The following GREM1 variants were observed in gnomAD, a reference collection of about 807,000 sequenced individuals.
GREM1 encodes the protein gremlin 1, DAN family BMP antagonist.
A neutral mutation model predicts 13.1 loss-of-function variants in GREM1; 6 were observed. That is an observed-to-expected ratio of 0.46 (90% CI 0.25 to 0.91). The LOEUF (loss-of-function observed/expected upper bound fraction) is 0.91, where lower values mean the gene tolerates loss of function less well. Ranked by LOEUF, GREM1 falls within the 40% of genes least tolerant of loss-of-function variation. GREM1 has a pLI of 0.18. For synonymous variants in GREM1, 98 were observed against 93.7 expected, an observed-to-expected ratio of 1.05 and a Z score of -0.27; for missense variants, 185 against 233.9, an observed-to-expected ratio of 0.79 and a Z score of 1.36.
In GREM1 at chr15:32,742,120, T is replaced by C. The variant is rs2055767024; in HGVS notation, c.*10875T>C. 1 of 152,194 alleles carries C rather than the reference T, an allele frequency of 6.6e-6. No individual in the cohort carries two copies. The highest frequency in any genetic ancestry group is 1.5e-5 in the Non-Finnish European group (1 of 68,006). The allele number at this position is 152,194 out of a possible 1,614,324, so 9.4% of individuals were successfully genotyped here. On this transcript the variant is annotated 3_prime_UTR_variant, in exon 2 of 2. Coordinates refer to ENST00000651154, the MANE Select transcript of GREM1 (RefSeq NM_013372.7). ...TGCATCTATATATTCATCAAGGATA[T>C]TGGGCTGTAATTTTCTTTTCTTGTG...
intron 1 of GREM1, among the ~76,000 whole-genome samples, chr15:32,723,700 G>A (rs566436615): frequency 1.3e-5 from 2 of 150,248 alleles, no homozygotes; most frequent in South Asian, 4.2e-4. Flanking sequence ...CATAGAAACA[G>A]AAAGTCTGTC....
intron 1 of GREM1, among the ~76,000 whole-genome samples, chr15:32,721,725 G>A (rs558919348): frequency 2.6e-5 from 4 of 152,184 alleles, no homozygotes; most frequent in African/African-American, 7.2e-5. Context: ...GTGCACTCCA[G>A]CCTGGGTGAC....
Position 32,740,894 on chromosome 15 carries a change from T to C in GREM1, c.*9649T>C, listed in dbSNP as rs912060166. ...GTTTCAAGTTCATTTCTAAAATCAA[T>C]CATGGTGGCCAAACGGAATGAGCAT... On this transcript the variant is annotated 3_prime_UTR_variant, in exon 2 of 2. Transcript: ENST00000651154. The C allele has an allele frequency of 1.3e-5, 2 of 152,154 alleles. No homozygotes were observed. Among genetic ancestry groups the C allele is most frequent in the Admixed American group, 1.3e-4 (2 of 15,266 alleles). 9.4% of individuals were successfully genotyped at this position (152,154 alleles called of 1,614,324 possible). A position where few individuals can be genotyped will look rare whatever the true frequency, so the allele number is the denominator to read the frequency against.
rs182022912 is a variant in GREM1 at position 32,740,863 on chromosome 15, G to C, written c.*9618G>C. 1.2e-4 allele frequency: 18 copies of C among 152,268 alleles called. No homozygotes were observed. In the East Asian group the frequency reaches 3.1e-3, roughly 26 times the overall value. The allele number at this position is 152,268 out of a possible 1,614,324, so 9.4% of individuals were successfully genotyped here. ...CTTAAGGAAAATTCTTATGGACTTA[G>C]CTTGAGTTTCAAGTTCATTTCTAAA... On this transcript the variant is annotated 3_prime_UTR_variant, in exon 2 of 2. Coordinates refer to ENST00000651154, the MANE Select transcript of GREM1 (RefSeq NM_013372.7).
chr15:32,724,643 T>C (rs1386687748), intron 1 of GREM1, among the ~76,000 whole-genome samples: 1 of 152,140 alleles, frequency 6.6e-6, no homozygotes, highest in African/African-American at 2.4e-5. Context: ...TTTTTTTCTT[T>C]TTCTTTTTAT....
chr15:32,724,613 C>T (rs1212557725), intron 1 of GREM1, among the ~76,000 whole-genome samples: 1 of 151,546 alleles, frequency 6.6e-6, no homozygotes, highest in Admixed American at 6.6e-5. Context: ...TATAACTGGG[C>T]GTTTCTCATA....
intron 1 of GREM1, among the ~76,000 whole-genome samples, chr15:32,721,992 A>G (rs985718380): frequency 1.3e-5 from 2 of 152,162 alleles, no homozygotes; most frequent in Admixed American, 1.3e-4. Context: ...GTCCTATGCA[A>G]TGTTGGGCCC....
rs927333922 is a variant in GREM1 at position 32,735,540 on chromosome 15, G to A, written c.*4295G>A. 4 of 152,122 alleles carry A rather than the reference G, an allele frequency of 2.6e-5. No homozygotes were observed. Among genetic ancestry groups the A allele is most frequent in the East Asian group, 3.9e-4 (2 of 5,184 alleles). The allele number at this position is 152,122 out of a possible 1,614,324, so 9.4% of individuals were successfully genotyped here. On this transcript the variant is annotated 3_prime_UTR_variant, in exon 2 of 2. Transcript: ENST00000651154. ...TCTAACTAGATTGTTCACATCTAGC[G>A]ATTAAGGCCACCCTGAGATTATAGC...
rs75058002 is a variant in GREM1, at chr15:32,732,444, T to G, written c.*1199T>G. ...CTACTCTGTTTTAGCAAGAGATATT[T>G]TGGGGGTCTTTTTGTTTTAACTATT... On this transcript the variant is annotated 3_prime_UTR_variant, in exon 2 of 2. Transcript: ENST00000651154. The G allele has an allele frequency of 0.042, 10,379 of 244,976 alleles. 609 individuals are homozygous for G. The highest frequency in any genetic ancestry group is 0.16 in the African/African-American group (7,054 of 45,204). 15.2% of individuals were successfully genotyped at this position (244,976 alleles called of 1,614,324 possible). A position where few individuals can be genotyped will look rare whatever the true frequency, so the allele number is the denominator to read the frequency against.
At chr15:32,718,834 A>C in intron 1 of GREM1, 1 of 275,598 alleles carries the variant, frequency 3.6e-6, no homozygotes, top group Non-Finnish European at 7.2e-6. Flanking sequence ...CAGTGCTCAC[A>C]AGGCAGACAC....
At chr15:32,721,737 T>G (rs577443877) in intron 1 of GREM1, among the ~76,000 whole-genome samples, 1 of 151,552 alleles carries the variant, frequency 6.6e-6, no homozygotes, top group South Asian at 2.1e-4. Flanking sequence ...CTGGGTGACA[T>G]CTCTTAAAAA....
In GREM1 at chr15:32,738,145, AGTCATC is replaced by A. The variant is rs2055729104; in HGVS notation, c.*6901_*6906del. On this transcript the variant is annotated 3_prime_UTR_variant, in exon 2 of 2. Transcript: ENST00000651154. ...AAAAAAAAAAAAAAGAAAAGAAAAAAGTCATCCAGATTGGAAAAGAAATAAAATGAT... is the reference window on the plus strand; with the variant it reads ...AAAAAAAAAAAAAAGAAAAGAAAAAACAGATTGGAAAAGAAATAAAATGAT... 7.8e-6 allele frequency: 1 copy of A among 128,322 alleles called. No individual in the cohort carries two copies. Among genetic ancestry groups the A allele is most frequent in the Non-Finnish European group, 1.7e-5 (1 of 59,796 alleles). The allele number at this position is 128,322 out of a possible 1,614,324, so 7.9% of individuals were successfully genotyped here. A position where few individuals can be genotyped will look rare whatever the true frequency, so the allele number is the denominator to read the frequency against.
rs960138702 is a variant in GREM1, at chr15:32,736,780, T to C, written c.*5535T>C. 1.3e-5 allele frequency: 2 copies of C among 152,186 alleles called. No individual in the cohort carries two copies. The highest frequency in any genetic ancestry group is 2.9e-5 in the Non-Finnish European group (2 of 68,030). 9.4% of individuals were successfully genotyped at this position (152,186 alleles called of 1,614,324 possible). A position where few individuals can be genotyped will look rare whatever the true frequency, so the allele number is the denominator to read the frequency against. On this transcript the variant is annotated 3_prime_UTR_variant, in exon 2 of 2. Coordinates refer to ENST00000651154, the MANE Select transcript of GREM1 (RefSeq NM_013372.7). ...GGGAAATGACAGTACGATCAAACCA[T>C]GCATGGCCCTGCCTGCATGTGGGAA... is the stretch of plus-strand genomic sequence containing the variant.
intron 1 of GREM1, among the ~76,000 whole-genome samples, chr15:32,727,669 G>A (rs777347216): frequency 6.6e-6 from 1 of 151,798 alleles, no homozygotes; most frequent in African/African-American, 2.4e-5. Flanking sequence ...ATAAATAAAG[G>A]GTATTCAAAT....
At position 32,738,125 on chromosome 15, in the gene GREM1, A is replaced by AAAAAAAAAAAAACCAAAC; in HGVS notation, c.*6888_*6889insAAAACCAAACAAAAAAAA. ...AAAAAAAAAAAAAAAAAAAAAAAAAAAAAAAAAAGAAAAGAAAAAAGTCAT... is the reference window on the plus strand; with the variant it reads ...AAAAAAAAAAAAAAAAAAAAAAAAAAAAAAAAAAAAAACCAAACAAAAAAAAGAAAAGAAAAAAGTCAT... On this transcript the variant is annotated 3_prime_UTR_variant, in exon 2 of 2. Coordinates refer to ENST00000651154, the MANE Select transcript of GREM1 (RefSeq NM_013372.7). 2.9e-4 allele frequency: 8 copies of AAAAAAAAAAAAACCAAAC among 27,966 alleles called. No individual in the cohort carries two copies. Among genetic ancestry groups the AAAAAAAAAAAAACCAAAC allele is most frequent in the South Asian group, 2.5e-3 (1 of 396 alleles). 1.7% of individuals were successfully genotyped at this position (27,966 alleles called of 1,614,324 possible).
chr15:32,738,125 A>AAAAAAAAAAAAAAAAAAAAAC lies in GREM1; in HGVS notation c.*6888_*6889insAAAAAAAAAAAACAAAAAAAA. On this transcript the variant is annotated 3_prime_UTR_variant, in exon 2 of 2. Transcript: ENST00000651154. ...AAAAAAAAAAAAAAAAAAAAAAAAA[A>AAAAAAAAAAAAAAAAAAAAAC]AAAAAAAAGAAAAGAAAAAAGTCAT... is the stretch of plus-strand genomic sequence containing the variant. The AAAAAAAAAAAAAAAAAAAAAC allele has an allele frequency of 4.3e-4, 12 of 27,984 alleles. 4 individuals carry two copies. The East Asian group carries it at 9.6e-3, about 22-fold the overall frequency. 1.7% of individuals were successfully genotyped at this position (27,984 alleles called of 1,614,324 possible). A position where few individuals can be genotyped will look rare whatever the true frequency, so the allele number is the denominator to read the frequency against.
In GREM1 at chr15:32,718,800, T is replaced by C. The variant is rs530064053; in HGVS notation, c.-2+639T>C. The C allele has an allele frequency of 1.4e-3, 397 of 284,722 alleles. 2 individuals carry two copies. The highest frequency in any genetic ancestry group is 7.0e-3 in the African/African-American group (313 of 45,034). 17.6% of individuals were successfully genotyped at this position (284,722 alleles called of 1,614,324 possible). On this transcript the variant is annotated intron_variant, in intron 1 of 1. Transcript: ENST00000651154. ...ACAGCTGCGGTGCGGGGCGCGGCCCTGGCCGCGGGGTCCAGCGAACCCGCA... is the reference window on the plus strand; with the variant it reads ...ACAGCTGCGGTGCGGGGCGCGGCCCCGGCCGCGGGGTCCAGCGAACCCGCA...
At chr15:32,725,874 C>T (rs1275821349) in intron 1 of GREM1, among the ~76,000 whole-genome samples, 4 of 151,758 alleles carry the variant, frequency 2.6e-5, no homozygotes, top group Admixed American at 6.6e-5. Context: ...GTTTTCCCAA[C>T]GTTATTTATT....
At position 32,730,942 on chromosome 15, in the gene GREM1, G is replaced by C. The variant is rs775753186; in HGVS notation, c.252G>C (p.Thr84=). 7.4e-6 allele frequency: 12 copies of C among 1,613,958 alleles called. No homozygotes were observed. The highest frequency in any genetic ancestry group is 5.3e-5 in the African/African-American group (4 of 74,912). ...CCAGCCAAGAGGCCCTGCATGTGAC[G>C]GAGCGCAAATACCTGAAGCGAGACT... The part of the protein sequence containing the change: ...LESSQEALHV[T]ERKYLKRDWC... The change falls in exon 2 of 2, where the codon ACG becomes ACC. Residue 84 remains threonine, a synonymous_variant. Transcript: ENST00000651154.
Sources: gnomAD v4.1 joint callset for allele counts (sites outside exome capture counted in the v4.1 genomes callset) on GRCh38, gnomAD v4.1.1 for gene constraint, MANE v1.5 for transcripts, NCBI Gene and HGNC (gene_info 2026-07-23, HGNC 2026-07-21) for gene names.